The following OSBPL10 variants were observed in gnomAD, a reference collection of about 807,000 sequenced individuals.
OSBPL10 encodes the protein oxysterol-binding protein-related protein 10.
A neutral mutation model predicts 81.7 loss-of-function variants in OSBPL10; 49 were observed. The observed-to-expected ratio is 0.60, with a 90% confidence interval of 0.48 to 0.76. The LOEUF (loss-of-function observed/expected upper bound fraction) is 0.76. Ranked by LOEUF, OSBPL10 falls within the 30% of genes least tolerant of loss-of-function variation. The pLI is 0.00. For missense variants in OSBPL10, 923 were observed against 987.8 expected, an observed-to-expected ratio of 0.93 and a Z score of 0.88; for synonymous variants, 419 against 383.6, an observed-to-expected ratio of 1.09 and a Z score of -1.08.
At chr3:31,751,394 T>C (rs1697716423) in intron 4 of OSBPL10, among the ~76,000 whole-genome samples, 1 of 80,572 alleles carries the variant, frequency 1.2e-5, no homozygotes, top group Admixed American at 1.4e-4. Flanking sequence ...TAAAATAAAA[T>C]AAAATAAAAT....
chr3:32,026,038 A>AGAT (rs1559551406), intron 2 of OSBPL10, among the ~76,000 whole-genome samples: 1 of 123,754 alleles, frequency 8.1e-6, no homozygotes, highest in African/African-American at 3.4e-5. Flanking sequence ...ATAGATAGAT[A>AGAT]GATAGATAGA....
rs767384429 is a variant in OSBPL10, at chr3:31,830,146, A to C, written c.623T>G (p.Leu208Arg). 6.2e-7 allele frequency: 1 copy of C among 1,614,082 alleles called. No homozygotes were observed. The highest frequency in any genetic ancestry group is 8.5e-7 in the Non-Finnish European group (1 of 1,179,994). The change falls in exon 4 of 12, where the codon CTC (leucine) becomes CGC (arginine). Residue 208 changes from leucine to arginine, a missense_variant. Physicochemically the swap from Leu to Arg is moderately radical, Grantham distance 102 (BLOSUM62 -2). Around this residue, in one of 3 missense-constraint regions of OSBPL10, gnomAD observed 514 missense variants for 508.0 expected, o/e 1.01. Transcript: ENST00000396556. ...GACAACACCGGGGGCCCCCACACTG[A>C]GGTGTCTCTGGCTACAGGGAGACGC... ...NSASPCSQRH[L>R]SVGAPGVVTI...
intron 3 of OSBPL10, among the ~76,000 whole-genome samples, chr3:31,847,493 A>G (rs1261497674): frequency 6.6e-6 from 1 of 151,986 alleles, no homozygotes; most frequent in Non-Finnish European, 1.5e-5. Context: ...CCAGCCTATT[A>G]CTTCTCTCAC....
chr3:31,902,835 T>C (rs1696290598), intron 1 of OSBPL10, among the ~76,000 whole-genome samples: 2 of 152,128 alleles, frequency 1.3e-5, no homozygotes, highest in African/African-American at 4.8e-5. Context: ...AACCTGCTAG[T>C]CTTAATGTAG....
intron 2 of OSBPL10, among the ~76,000 whole-genome samples, chr3:31,993,729 G>C (rs897816481): frequency 6.6e-6 from 1 of 152,050 alleles, no homozygotes; most frequent in African/African-American, 2.4e-5. Context: ...CCAAGTGCTG[G>C]TGAGGATGTG....
intron 1 of OSBPL10, among the ~76,000 whole-genome samples, chr3:31,973,256 C>G (rs1234506321): frequency 3.3e-5 from 5 of 152,170 alleles, no homozygotes; most frequent in African/African-American, 1.2e-4. Flanking sequence ...ACGCAGACAG[C>G]CACTGGGCAA....
At chr3:32,009,386 C>T (rs1370532008) in intron 2 of OSBPL10, among the ~76,000 whole-genome samples, 1 of 152,210 alleles carries the variant, frequency 6.6e-6, no homozygotes, top group Non-Finnish European at 1.5e-5. Flanking sequence ...AATCCATGTC[C>T]ACATCAGGCT....
At chr3:32,005,123 A>G (rs1017141551) in intron 2 of OSBPL10, among the ~76,000 whole-genome samples, 1 of 152,108 alleles carries the variant, frequency 6.6e-6, no homozygotes, top group Non-Finnish European at 1.5e-5. Flanking sequence ...GGTTTGTTAC[A>G]TAGGTATACG....
intron 1 of OSBPL10, among the ~76,000 whole-genome samples, chr3:31,912,155 G>T (rs908219891): frequency 6.6e-6 from 1 of 152,158 alleles, no homozygotes; most frequent in Non-Finnish European, 1.5e-5. Context: ...CAGAACTTTG[G>T]GGGGCCGAGG....
At chr3:31,687,940 G>T (rs1222467229) in intron 7 of OSBPL10, among the ~76,000 whole-genome samples, 1 of 140,998 alleles carries the variant, frequency 7.1e-6, no homozygotes, top group Non-Finnish European at 1.5e-5. Context: ...TTTAAAAGAA[G>T]TGGGCAAAGG....
In OSBPL10 at chr3:31,851,506, G is replaced by A. The variant is rs577827795; in HGVS notation, c.538-21275C>T. On this transcript the variant is annotated intron_variant, in intron 3 of 11. Transcript: ENST00000396556. ...TCCACACCATGGCAGAGTGGCTGCA[G>A]CCCATGAGGAGGGCCAGAAGGCACC... Among the ~76,000 whole-genome samples, 3 of 152,332 alleles carry A rather than the reference G, an allele frequency of 2.0e-5. No homozygotes were observed. The South Asian group carries it at 6.2e-4, about 32-fold the overall frequency.
intron 3 of OSBPL10, among the ~76,000 whole-genome samples, chr3:31,838,718 A>G (rs996469045): frequency 6.6e-6 from 1 of 151,924 alleles, no homozygotes; most frequent in African/African-American, 2.4e-5. Flanking sequence ...CTGAGTTAGC[A>G]TCTTCGAAAA....
intron 4 of OSBPL10, among the ~76,000 whole-genome samples, chr3:31,762,630 A>ATTTTTCTTTTTTTTTTTT (rs1698080789): frequency 1.6e-5 from 1 of 61,514 alleles, no homozygotes; most frequent in African/African-American, 8.0e-5. Context: ...CATGCCCAGC[A>ATTTTTCTTTTTTTTTTTT]TTTTTTTTTT....
chr3:31,738,475 C>T (rs12637785), intron 5 of OSBPL10, among the ~76,000 whole-genome samples: 57,901 of 151,572 alleles, frequency 0.38, 11,546 homozygotes, highest in East Asian at 0.69. Flanking sequence ...AAATAGAAAC[C>T]GACAAATTTG....
chr3:31,726,998 G>A (rs1393138306), intron 6 of OSBPL10, among the ~76,000 whole-genome samples: 1 of 151,874 alleles, frequency 6.6e-6, no homozygotes, highest in African/African-American at 2.4e-5. Context: ...CACGTACCCA[G>A]CTAATTTTTA....
Position 31,672,709 on chromosome 3 carries a change from T to G in OSBPL10, c.1727-1726A>C, listed in dbSNP as rs574409012. Among the ~76,000 whole-genome samples the G allele has an allele frequency of 3.5e-4, 53 of 152,210 alleles. No homozygotes were observed. The South Asian group carries it at 5.8e-3, about 17-fold the overall frequency. On this transcript the variant is annotated intron_variant, in intron 8 of 11. Transcript: ENST00000396556. The stretch of plus-strand genomic sequence containing the variant: ...CTCAGTTAAGTCCATTAAAGTCAGT[T>G]TTCCCAACCCATGAAATACTTGGCT...
chr3:31,943,598 T>C (rs186685878), intron 1 of OSBPL10, among the ~76,000 whole-genome samples: 1 of 152,168 alleles, frequency 6.6e-6, no homozygotes, highest in African/African-American at 2.4e-5. Context: ...GAGACAGACA[T>C]ACATGGATAT....
chr3:31,917,615 A>G (rs1376618565), intron 1 of OSBPL10, among the ~76,000 whole-genome samples: 1 of 150,282 alleles, frequency 6.7e-6, no homozygotes, highest in Non-Finnish European at 1.5e-5. Context: ...TTAAAACACA[A>G]AAAGAGAAAA....
chr3:31,905,396 C>CT lies in OSBPL10; in HGVS notation c.282-25567dup, dbSNP rs572472130. ...ACGGACTCCCGTTCTGTCACCCAGG[C>CT]TGGAGTGTAGTGGCACAATCTTGGC... On this transcript the variant is annotated intron_variant, in intron 1 of 11. Coordinates refer to ENST00000396556, the MANE Select transcript of OSBPL10 (RefSeq NM_017784.5). 1.5e-3 allele frequency among the ~76,000 whole-genome samples: 209 copies of CT among 135,528 alleles called. 3 individuals carry two copies. The East Asian group carries it at 0.046, about 30-fold the overall frequency. 88.9% of individuals were successfully genotyped at this position (135,528 alleles called of 152,430 possible).
Sources: allele counts gnomAD v4.1 joint callset (sites outside exome capture counted in the v4.1 genomes callset), GRCh38; gene constraint gnomAD v4.1.1; regional missense constraint gnomAD v4.1.1; transcripts MANE v1.5; gene names NCBI Gene and HGNC (gene_info 2026-07-23, HGNC 2026-07-21).